SNED1: variants seen among roughly 807,000 people sequenced by gnomAD.
The protein encoded by SNED1 is sushi, nidogen and EGF like domains 1.
SNED1 carries 81 observed loss-of-function variants against 166.7 expected under a neutral mutation model. The observed-to-expected ratio is 0.49, with a 90% CI of 0.41 to 0.58. SNED1 has a LOEUF of 0.58. Among genes scored for constraint, SNED1 ranks in the 20% least tolerant of loss-of-function variants. The probability of loss-of-function intolerance (pLI) is 0.00; values close to 1 mark genes in which losing one functional copy is unlikely to be tolerated. For synonymous variants in SNED1, 762 were observed against 822.0 expected (o/e 0.93, Z 1.25); for missense variants, 1,604 against 2,000.2 (o/e 0.80, Z 3.78).
In SNED1 at chr2:241,073,795, A is replaced by T. The variant is rs1417994576; in HGVS notation, c.3916+431A>T. ...CTGGGCGAGCCCCAGCTTGAGGACT[A>T]GCTGGGCCCTGTGGACACTCAGGTT... On this transcript the variant is annotated intron_variant, in intron 27 of 31. Coordinates refer to ENST00000310397, the MANE Select transcript of SNED1 (RefSeq NM_001080437.3). The surrounding 1 kb of genome is among the most constrained non-coding windows in gnomAD (Gnocchi z 6.6). 1.7e-5 allele frequency: 5 copies of T among 296,950 alleles called. No homozygotes were observed. Among genetic ancestry groups the T allele is most frequent in the Non-Finnish European group, 2.5e-5 (4 of 159,172 alleles). 18.4% of individuals were successfully genotyped at this position (296,950 alleles called of 1,614,324 possible).
chr2:241,051,447 G>A lies in SNED1; in HGVS notation c.1736-297G>A, dbSNP rs1356610601. 6.1e-6 allele frequency: 2 copies of A among 330,414 alleles called. No individual in the cohort carries two copies. The highest frequency in any genetic ancestry group is 1.1e-5 in the Non-Finnish European group (2 of 182,364). 20.5% of individuals were successfully genotyped at this position (330,414 alleles called of 1,614,324 possible). A position where few individuals can be genotyped will look rare whatever the true frequency, so the allele number is the denominator to read the frequency against. ...GGGAGGGAGTGCTGCGCCCGCTGCAGTGTTGGGGCCGGTTCTCCACAGGAA... is the reference window on the plus strand; with the variant it reads ...GGGAGGGAGTGCTGCGCCCGCTGCAATGTTGGGGCCGGTTCTCCACAGGAA... On this transcript the variant is annotated intron_variant, in intron 12 of 31. Transcript: ENST00000310397. The surrounding 1 kb of genome is among the most constrained non-coding windows in gnomAD (Gnocchi z 4.7).
intron 1 of SNED1, among the ~76,000 whole-genome samples, chr2:241,004,502 A>G (rs539777743): frequency 6.5e-4 from 98 of 151,552 alleles, no homozygotes; most frequent in Non-Finnish European, 1.2e-3. Context: ...TATCTATACT[A>G]TTGGCTTATT....
At chr2:241,024,657 T>C (rs893279899) in intron 1 of SNED1, among the ~76,000 whole-genome samples, 1 of 148,054 alleles carries the variant, frequency 6.8e-6, no homozygotes, top group Non-Finnish European at 1.5e-5. Flanking sequence ...TTTATCTTAT[T>C]TTATTTTATT....
At chr2:241,065,201 C>A in intron 20 of SNED1, 98 bp from the exon 21 acceptor site, 1 of 1,284,164 alleles carries the variant, frequency 7.8e-7, no homozygotes, top group Non-Finnish European at 1.1e-6. Context: ...CTGTGTCAGG[C>A]CCAAGAGCCA....
intron 31 of SNED1, chr2:241,090,523 T>A: frequency 1.4e-6 from 2 of 1,418,640 alleles, no homozygotes; most frequent in Non-Finnish European, 1.9e-6. Flanking sequence ...TATTATGTAC[T>A]CTACATAATT....
At position 241,036,853 on chromosome 2, in the gene SNED1, C is replaced by T. The variant is rs756683657; in HGVS notation, c.869C>T (p.Thr290Met). The change falls in exon 5 of 32, where the codon ACG (threonine) becomes ATG (methionine). Residue 290 changes from threonine to methionine, a missense_variant. Transcript: ENST00000310397. ...GGCAAGTGCATCGACGACTGCGTCA[C>T]GGGCAACCCCTCCTACACCTGCTCC... is the stretch of plus-strand genomic sequence containing the variant. ...NGGKCIDDCV[T>M]GNPSYTCSCL... is the part of the protein sequence containing the mutation. The T allele has an allele frequency of 6.2e-7, 1 of 1,611,786 alleles. No individual in the cohort carries two copies. Among genetic ancestry groups the T allele is most frequent in the Non-Finnish European group, 8.5e-7 (1 of 1,179,702 alleles).
At position 241,040,402 on chromosome 2, in the gene SNED1, G is replaced by T. The variant is rs376808569; in HGVS notation, c.1262G>T (p.Arg421Leu). The T allele has an allele frequency of 1.3e-6, 2 of 1,591,738 alleles. No homozygotes were observed. The highest frequency in any genetic ancestry group is 2.3e-5 in the East Asian group (1 of 44,186). ...TGTGCCGAGCCCTTCAAGGGACTTC[G>T]CTGTGAGACAGGTAACTGGCCAAGT... The part of the protein sequence containing the change: ...CLCAEPFKGL[R>L]CETGDHPVPD... Residue 421 changes from arginine (R) to leucine (L), a missense_variant, in exon 8 of 32, where the codon CGC becomes CTC. Physicochemically the swap from Arg to Leu is moderately radical, Grantham distance 102. This residue lies in a region of SNED1 where 1,237 missense variants were observed against 1,620.8 expected (regional missense o/e 0.76). Coordinates refer to ENST00000310397, the MANE Select transcript of SNED1 (RefSeq NM_001080437.3).
intron 18 of SNED1, 57 bp from the exon 19 acceptor site, chr2:241,063,955 C>A: frequency 7.8e-7 from 1 of 1,289,950 alleles, no homozygotes; most frequent in Non-Finnish European, 1.1e-6. Context: ...CTGTCCTCTC[C>A]TCCCTCCCCC....
chr2:241,067,705 C>T, intron 21 of SNED1, 59 bp from the exon 22 acceptor site: 1 of 1,478,480 alleles, frequency 6.8e-7, no homozygotes, highest in South Asian at 1.3e-5. Flanking sequence ...TCTTGAGCCC[C>T]TGCACTCCCC....
rs769619538 is a variant in SNED1, at chr2:241,071,559, T to C, written c.3590-17T>C. ...GGGCAGCCCCAGACCAGCCCCTTCC[T>C]CCTGCCTGCTCTGCAGCCCCCAGGG... On this transcript the variant is annotated splice_polypyrimidine_tract_variant and intron_variant, in intron 24 of 31. Transcript: ENST00000310397. 2 of 1,573,148 alleles carry C rather than the reference T, an allele frequency of 1.3e-6. No individual in the cohort carries two copies. Among genetic ancestry groups the C allele is most frequent in the East Asian group, 4.6e-5 (2 of 43,364 alleles).
chr2:240,999,098 C>A lies in SNED1; in HGVS notation c.213+48C>A. The stretch of plus-strand genomic sequence containing the variant: ...GGGCGCCCGGGAGGGGAGGGAGCTG[C>A]GCCCCGGCCGCTGCCCGCCGGGCCC... On this transcript the variant is annotated intron_variant, in intron 1 of 31. Transcript: ENST00000310397. This position sits in a 1 kb window ranked among gnomAD's most constrained non-coding sequence, Gnocchi z 5.8. The A allele has an allele frequency of 2.6e-6, 3 of 1,132,094 alleles. No homozygotes were observed. Among genetic ancestry groups the A allele is most frequent in the African/African-American group, 1.6e-5 (1 of 61,036 alleles). 70.1% of individuals were successfully genotyped at this position (1,132,094 alleles called of 1,614,324 possible).
rs1305184065 is a variant in SNED1 at position 241,071,549 on chromosome 2, A to G, written c.3590-27A>G. ...CAGGAGCAGAGGGCAGCCCCAGACC[A>G]GCCCCTTCCTCCTGCCTGCTCTGCA... On this transcript the variant is annotated intron_variant, in intron 24 of 31. Coordinates refer to ENST00000310397, the MANE Select transcript of SNED1 (RefSeq NM_001080437.3). 3.2e-6 allele frequency: 5 copies of G among 1,568,240 alleles called. No homozygotes were observed. The African/African-American group carries it at 6.7e-5, about 21-fold the overall frequency.
chr2:241,047,108 G>A (rs1025806398), intron 8 of SNED1, among the ~76,000 whole-genome samples: 3 of 137,924 alleles, frequency 2.2e-5, no homozygotes, highest in Non-Finnish European at 4.5e-5. Context: ...TCGCGCCACT[G>A]CACTGCACTC....
chr2:241,055,905 C>A (rs562723587), intron 16 of SNED1, among the ~76,000 whole-genome samples: 1 of 152,302 alleles, frequency 6.6e-6, no homozygotes, highest in East Asian at 1.9e-4. Flanking sequence ...CTGCTCTAGC[C>A]CCAACCCAGC....
At chr2:241,071,763 C>T (rs761011741) in intron 25 of SNED1, 33 bp from the exon 26 acceptor site, 8 of 1,559,704 alleles carry the variant, frequency 5.1e-6, no homozygotes, top group Admixed American at 3.6e-5. Context: ...AGGCGGCGCT[C>T]GGACTGTGGT....
In SNED1 at chr2:241,095,352, C is replaced by T. The variant is rs537461258; in HGVS notation, c.*3716C>T. 1.3e-5 allele frequency: 2 copies of T among 153,046 alleles called. No homozygotes were observed. Among genetic ancestry groups the T allele is most frequent in the African/African-American group, 4.8e-5 (2 of 41,578 alleles). The allele number at this position is 153,046 out of a possible 1,614,324, so 9.5% of individuals were successfully genotyped here. ...AGCCAACTTCCCCAAACAGGAAGGG[C>T]CTGTTCTTCACAAAGATAAAGAAAA... On this transcript the variant is annotated 3_prime_UTR_variant, in exon 32 of 32. Coordinates refer to ENST00000310397, the MANE Select transcript of SNED1 (RefSeq NM_001080437.3).
intron 1 of SNED1, chr2:241,010,599 G>A (rs1292089504): frequency 6.6e-6 from 1 of 152,326 alleles, no homozygotes; most frequent in Non-Finnish European, 1.5e-5. Flanking sequence ...TGCTCAGAGG[G>A]GTCAGAGCAT....
At chr2:241,002,353 A>G (rs896612198) in intron 1 of SNED1, among the ~76,000 whole-genome samples, 4 of 152,142 alleles carry the variant, frequency 2.6e-5, no homozygotes, top group African/African-American at 9.7e-5. Context: ...TTCTGAGCTC[A>G]TGGAACACCC....
At position 241,081,760 on chromosome 2, in the gene SNED1, G is replaced by A. The variant is rs757388851; in HGVS notation, c.4000G>A (p.Gly1334Arg). Residue 1334 changes from glycine to arginine, a missense_variant, in exon 28 of 32, where the codon GGG (glycine) becomes AGG (arginine). Physicochemically the swap from Gly to Arg is moderately radical, Grantham distance 125. Around this residue, in one of 2 missense-constraint regions of SNED1, gnomAD observed 367 missense variants for 379.4 expected, o/e 0.97. Coordinates refer to ENST00000310397, the MANE Select transcript of SNED1 (RefSeq NM_001080437.3). ...PGADAHSCDC[G>R]PGFKGRRCEL... ...CGCAGACGCCCACAGCTGTGACTGC[G>A]GGCCAGGGTTCAAAGGCAGACGCTG... is the stretch of plus-strand genomic sequence containing the variant. The A allele has an allele frequency of 5.0e-5, 80 of 1,602,710 alleles. No individual in the cohort carries two copies. In the Middle Eastern group the frequency reaches 6.6e-4, roughly 13 times the overall value.
Sources: gnomAD v4.1 joint callset for allele counts (sites outside exome capture counted in the v4.1 genomes callset) on GRCh38, gnomAD v4.1.1 for gene constraint, gnomAD v4.1.1 regional missense constraint, Gnocchi (gnomAD v3.1) non-coding constraint, MANE v1.5 for transcripts, NCBI Gene and HGNC (gene_info 2026-07-23, HGNC 2026-07-21) for gene names.